Variants in RORA observed in about 807,000 individuals in gnomAD.
The protein encoded by RORA is RAR related orphan receptor A.
Under a neutral mutation model 69.5 loss-of-function variants are expected in RORA, and 7 were observed. The observed-to-expected ratio is 0.10, with a 90% CI of 0.06 to 0.19. The LOEUF (loss-of-function observed/expected upper bound fraction) is 0.19, where lower values mean the gene tolerates loss of function less well. Among genes scored for constraint, RORA ranks in the 10% least tolerant of loss-of-function variants. The pLI is 1.00. For missense variants in RORA, 457 were observed against 663.0 expected, an observed-to-expected ratio of 0.69 and a Z score of 3.41; for synonymous variants, 261 against 240.8, an observed-to-expected ratio of 1.08 and a Z score of -0.78.
At chr15:60,588,315 T>C (rs2068394947) in intron 2 of RORA, among the ~76,000 whole-genome samples, 1 of 152,192 alleles carries the variant, frequency 6.6e-6, no homozygotes, top group Non-Finnish European at 1.5e-5. Context: ...ATAGTAAAAA[T>C]GAATGCAGAA....
intron 1 of RORA, among the ~76,000 whole-genome samples, chr15:60,950,943 T>C (rs1386410886): frequency 1.3e-5 from 2 of 150,126 alleles, no homozygotes; most frequent in Admixed American, 6.6e-5. Context: ...GCGGACGTAA[T>C]AGACATCTAC....
intron 1 of RORA, among the ~76,000 whole-genome samples, chr15:60,887,266 C>T (rs1216944908): frequency 2.6e-5 from 4 of 152,110 alleles, no homozygotes; most frequent in East Asian, 1.9e-4. Context: ...TGCAACCTTT[C>T]GTGGCCTGAA....
At chr15:60,811,803 C>A (rs542474981) in intron 1 of RORA, among the ~76,000 whole-genome samples, 1 of 127,218 alleles carries the variant, frequency 7.9e-6, no homozygotes, top group African/African-American at 4.1e-5. Context: ...CCTATTTGAT[C>A]ATTAATCCAC....
chr15:61,108,036 T>C (rs906594655), intron 1 of RORA, among the ~76,000 whole-genome samples: 3 of 152,206 alleles, frequency 2.0e-5, no homozygotes, highest in Non-Finnish European at 4.4e-5. Flanking sequence ...TGTTCAGCGA[T>C]AACCCTTCTA....
intron 1 of RORA, among the ~76,000 whole-genome samples, chr15:60,884,546 G>A (rs181028773): frequency 6.6e-6 from 1 of 152,128 alleles, no homozygotes; most frequent in South Asian, 2.1e-4. Context: ...TATGGAGAGA[G>A]AGCAAAAGAA....
At chr15:60,745,915 T>G (rs1156897475) in intron 1 of RORA, among the ~76,000 whole-genome samples, 2 of 152,160 alleles carry the variant, frequency 1.3e-5, no homozygotes, top group Non-Finnish European at 2.9e-5. Flanking sequence ...TCCTGTGTAT[T>G]TCCAGCACTC....
intron 2 of RORA, among the ~76,000 whole-genome samples, chr15:60,660,379 G>T (rs1483826135): frequency 1.3e-5 from 2 of 152,156 alleles, no homozygotes; most frequent in Non-Finnish European, 2.9e-5. Context: ...ATGCTTTAAA[G>T]ATATTTTGCT....
intron 1 of RORA, among the ~76,000 whole-genome samples, chr15:60,947,346 G>T (rs1466719965): frequency 6.6e-6 from 1 of 152,028 alleles, no homozygotes; most frequent in Non-Finnish European, 1.5e-5. Context: ...GTTCTGTACT[G>T]GGAAAAATTC....
intron 1 of RORA, among the ~76,000 whole-genome samples, chr15:60,840,862 C>A (rs774843188): frequency 5.3e-5 from 8 of 152,176 alleles, no homozygotes; most frequent in Non-Finnish European, 1.2e-4. Flanking sequence ...GCCATCGAAG[C>A]CTGACCAGCT....
intron 1 of RORA, among the ~76,000 whole-genome samples, chr15:60,989,269 C>G (rs2140368023): frequency 6.6e-6 from 1 of 152,294 alleles, no homozygotes; most frequent in Non-Finnish European, 1.5e-5. Context: ...TGCTTTTTGT[C>G]TCTATGGATT....
intron 1 of RORA, among the ~76,000 whole-genome samples, chr15:61,078,581 G>C (rs1257075860): frequency 1.3e-5 from 2 of 152,142 alleles, no homozygotes; most frequent in Non-Finnish European, 2.9e-5. Context: ...TCCTTTCACA[G>C]AGAGGAAAAC....
chr15:61,009,700 G>A (rs757776844), intron 1 of RORA, among the ~76,000 whole-genome samples: 1 of 152,142 alleles, frequency 6.6e-6, no homozygotes, highest in Non-Finnish European at 1.5e-5. Flanking sequence ...TACTTAAACT[G>A]ATTTCTGTAA....
At chr15:60,583,627 C>G (rs926581011) in intron 2 of RORA, among the ~76,000 whole-genome samples, 5 of 152,194 alleles carry the variant, frequency 3.3e-5, no homozygotes, top group African/African-American at 1.2e-4. Context: ...TCAGGGTTCT[C>G]TCCTGTTTGG....
intron 1 of RORA, among the ~76,000 whole-genome samples, chr15:60,999,294 C>T (rs143187868): frequency 2.3e-4 from 35 of 152,072 alleles, no homozygotes; most frequent in African/African-American, 7.7e-4. Context: ...GGGAAGTTTC[C>T]CAGGCTCCAT....
chr15:60,947,070 C>T (rs1290567104), intron 1 of RORA, among the ~76,000 whole-genome samples: 6 of 85,448 alleles, frequency 7.0e-5, no homozygotes, highest in African/African-American at 9.3e-5. Flanking sequence ...AGGTGGGGGG[C>T]CAGCCCCCGA....
rs963068810 is a variant in RORA at position 60,493,042 on chromosome 15, A to G, written c.*4413T>C. 4 of 152,148 alleles carry G rather than the reference A, an allele frequency of 2.6e-5. No homozygotes were observed. Among genetic ancestry groups the G allele is most frequent in the African/African-American group, 7.2e-5 (3 of 41,438 alleles). 9.4% of individuals were successfully genotyped at this position (152,148 alleles called of 1,614,324 possible). A position where few individuals can be genotyped will look rare whatever the true frequency, so the allele number is the denominator to read the frequency against. On this transcript the variant is annotated 3_prime_UTR_variant, in exon 11 of 11. Coordinates refer to ENST00000335670, the MANE Select transcript of RORA (RefSeq NM_134261.3). The stretch of plus-strand genomic sequence containing the variant: ...CCAACTCCAAAATGATAGGGCTTCT[A>G]TCGTTGATACCAAGATGGATTGTCA...
chr15:60,554,054 A>C (rs2067293552), intron 2 of RORA, among the ~76,000 whole-genome samples: 1 of 152,124 alleles, frequency 6.6e-6, no homozygotes. Context: ...CCAGACACTG[A>C]ATATAAGCGG....
intron 1 of RORA, among the ~76,000 whole-genome samples, chr15:60,970,837 A>C (rs1175693402): frequency 6.6e-6 from 1 of 152,054 alleles, no homozygotes; most frequent in Non-Finnish European, 1.5e-5. Flanking sequence ...AGAAAATCAC[A>C]CTCTAAAATG....
At chr15:60,724,275 G>C (rs995343439) in intron 1 of RORA, among the ~76,000 whole-genome samples, 1 of 152,014 alleles carries the variant, frequency 6.6e-6, no homozygotes. Flanking sequence ...TTTCATTGAG[G>C]GCTCCTATGT....
Sources: gnomAD v4.1 joint callset for allele counts (sites outside exome capture counted in the v4.1 genomes callset) on GRCh38, gnomAD v4.1.1 for gene constraint, MANE v1.5 for transcripts, NCBI Gene and HGNC (gene_info 2026-07-23, HGNC 2026-07-21) for gene names.